CHMP1A: variants seen among roughly 807,000 people sequenced by gnomAD.
CHMP1A encodes charged multivesicular body protein 1A, also known as VPS46 homolog A.
A neutral mutation model predicts 27.0 loss-of-function variants in CHMP1A; 17 were observed. The ratio of observed to expected loss-of-function variants is 0.63; its 90% confidence interval spans 0.43 to 0.95. The LOEUF (loss-of-function observed/expected upper bound fraction) is 0.95. Ranked by LOEUF, CHMP1A falls within the 40% of genes least tolerant of loss-of-function variation. CHMP1A has a pLI of 0.00. For synonymous variants in CHMP1A, 131 were observed against 107.5 expected, an observed-to-expected ratio of 1.22 and a Z score of -1.35; for missense variants, 275 against 264.0, an observed-to-expected ratio of 1.04 and a Z score of -0.29.
rs181086975 is a variant in CHMP1A, at chr16:89,654,179, G to A, written c.8-256C>T. 3.0e-3 allele frequency among the ~76,000 whole-genome samples: 451 copies of A among 152,348 alleles called. 2 individuals carry two copies. Among genetic ancestry groups the A allele is most frequent in the African/African-American group, 0.01 (434 of 41,584 alleles). ...CTCCCTGTTTCCTTGTTGGGAACATGAGGGTGGTACCAGCCAATCTCAAAG... is the reference window on the plus strand; with the variant it reads ...CTCCCTGTTTCCTTGTTGGGAACATAAGGGTGGTACCAGCCAATCTCAAAG... On this transcript the variant is annotated intron_variant, in intron 1 of 6. Transcript: ENST00000397901.
chr16:89,657,695 C>A lies in CHMP1A; in HGVS notation c.-107G>T, dbSNP rs1255030924. ...CCGACCAAGCTGCACCCGGCGGGGA[C>A]TTCCGGGGTCGCCGCCCCACTTCCG... is the stretch of plus-strand genomic sequence containing the variant. On this transcript the variant is annotated 5_prime_UTR_variant, in exon 1 of 7. Transcript: ENST00000397901. 1.3e-6 allele frequency: 2 copies of A among 1,566,356 alleles called. No homozygotes were observed. Among genetic ancestry groups the A allele is most frequent in the Non-Finnish European group, 1.7e-6 (2 of 1,159,008 alleles).
chr16:89,649,846 G>C (rs1250963187), intron 3 of CHMP1A, among the ~76,000 whole-genome samples: 3 of 152,220 alleles, frequency 2.0e-5, no homozygotes, highest in Non-Finnish European at 4.4e-5. Flanking sequence ...AAAGAGCTGG[G>C]ATCACAGGCG....
chr16:89,646,276 T>C (rs773116787), intron 6 of CHMP1A, among the ~76,000 whole-genome samples, 189 bp from the exon 7 acceptor site: 2 of 152,198 alleles, frequency 1.3e-5, no homozygotes, highest in Non-Finnish European at 2.9e-5. Flanking sequence ...TTCTAAAGTG[T>C]ACTGCAGACG....
chr16:89,650,321 G>C (rs1313921142), intron 3 of CHMP1A, among the ~76,000 whole-genome samples: 1 of 152,104 alleles, frequency 6.6e-6, no homozygotes, highest in Non-Finnish European at 1.5e-5. Flanking sequence ...TGGGATTATA[G>C]GTGTGAATCA....
At position 89,657,702 on chromosome 16, in the gene CHMP1A, G is replaced by A. The variant is rs966082048; in HGVS notation, c.-114C>T. The A allele has an allele frequency of 5.1e-5, 79 of 1,557,966 alleles. No homozygotes were observed. The highest frequency in any genetic ancestry group is 6.2e-5 in the Non-Finnish European group (72 of 1,154,446). ...AGCTGCACCCGGCGGGGACTTCCGGGGTCGCCGCCCCACTTCCGGTCGCAC... is the reference window on the plus strand; with the variant it reads ...AGCTGCACCCGGCGGGGACTTCCGGAGTCGCCGCCCCACTTCCGGTCGCAC... On this transcript the variant is annotated 5_prime_UTR_variant, in exon 1 of 7. Transcript: ENST00000397901.
Position 89,647,262 on chromosome 16 carries a change from C to T in CHMP1A, c.322G>A (p.Val108Ile). ...KALSTMDLQK[V>I]SSVMDRFEQQ... ...TCGAACCTGTCCATCACTGAGGAGA[C>T]CTTCTGCAGGTCCATGGTGCTCAGG... The change falls in exon 5 of 7, where the codon GTC (valine) becomes ATC (isoleucine). Residue 108 changes from valine (V) to isoleucine (I), a missense_variant. Coordinates refer to ENST00000397901, the MANE Select transcript of CHMP1A (RefSeq NM_002768.5). The T allele has an allele frequency of 5.0e-6, 8 of 1,611,110 alleles. No homozygotes were observed. The highest frequency in any genetic ancestry group is 6.8e-6 in the Non-Finnish European group (8 of 1,178,924).
At chr16:89,657,432 G>T (rs2059892988) in intron 1 of CHMP1A, 150 bp downstream of exon 1, 1 of 879,580 alleles carries the variant, frequency 1.1e-6, no homozygotes, top group African/African-American at 1.8e-5. Context: ...GGTGGTCGAG[G>T]CCCTGGGGAT....
chr16:89,646,884 G>GGGCCCCCC, intron 5 of CHMP1A, 170 bp from the exon 6 acceptor site: 3 of 709,060 alleles, frequency 4.2e-6, no homozygotes, highest in Non-Finnish European at 7.2e-6. Context: ...AGCCTTTCCT[G>GGGCCCCCC]CCCCCCCACC....
In CHMP1A at chr16:89,657,550, C is replaced by A. The variant is rs1467982184; in HGVS notation, c.7+32G>T. On this transcript the variant is annotated intron_variant, in intron 1 of 6. Transcript: ENST00000397901. ...GGGAGAAGCGGCCCCGCCCCGCGCG[C>A]GAGTCCCCGGAGGACGGCCGCGACC... 2.5e-6 allele frequency: 4 copies of A among 1,609,514 alleles called. No homozygotes were observed. The South Asian group carries it at 3.3e-5, about 13-fold the overall frequency.
intron 1 of CHMP1A, among the ~76,000 whole-genome samples, chr16:89,655,857 C>G (rs2151518183): frequency 6.6e-6 from 1 of 152,306 alleles, no homozygotes; most frequent in South Asian, 2.1e-4. Flanking sequence ...AACTCCTGAC[C>G]TCAGGTGATC....
At position 89,657,340 on chromosome 16, in the gene CHMP1A, C is replaced by T. The variant is rs2059890946; in HGVS notation, c.7+242G>A. 8.9e-5 allele frequency among the ~76,000 whole-genome samples: 13 copies of T among 145,450 alleles called. 2 individuals carry two copies. In the South Asian group the frequency reaches 2.7e-3, roughly 30 times the overall value. On this transcript the variant is annotated intron_variant, in intron 1 of 6. Transcript: ENST00000397901. ...GGGGACGAGGCTCGGGAAAAGGGGTCCCAGGTCGGTGGTCGAGGCCCTGGG... is the reference window on the plus strand; with the variant it reads ...GGGGACGAGGCTCGGGAAAAGGGGTTCCAGGTCGGTGGTCGAGGCCCTGGG...
At chr16:89,655,361 C>T (rs1000284429) in intron 1 of CHMP1A, among the ~76,000 whole-genome samples, 2 of 150,922 alleles carry the variant, frequency 1.3e-5, no homozygotes, top group Non-Finnish European at 1.5e-5. Context: ...CCGCCCTCCT[C>T]ATCTCAGCTT....
intron 1 of CHMP1A, 144 bp from the exon 2 acceptor site, chr16:89,654,067 C>T (rs371721171): frequency 1.3e-5 from 11 of 867,154 alleles, no homozygotes; most frequent in Admixed American, 1.9e-5. Flanking sequence ...TTCGGGGAGC[C>T]CCCCCCAACA....
chr16:89,651,746 C>G (rs541926701), intron 2 of CHMP1A, 100 bp from the exon 3 acceptor site: 1 of 1,198,414 alleles, frequency 8.3e-7, no homozygotes, highest in East Asian at 2.6e-5. Context: ...TGTGCCCACA[C>G]AGGTTCCTAA....
At chr16:89,651,312 A>AC (rs1458636569) in intron 3 of CHMP1A, among the ~76,000 whole-genome samples, 1 of 143,362 alleles carries the variant, frequency 7.0e-6, no homozygotes, top group Non-Finnish European at 1.6e-5. Flanking sequence ...CGGAGGTTGC[A>AC]GTGAGACGAG....
chr16:89,657,427 T>A (rs1227640611), intron 1 of CHMP1A, among the ~76,000 whole-genome samples, 155 bp downstream of exon 1: 1 of 150,206 alleles, frequency 6.7e-6, no homozygotes, highest in African/African-American at 2.5e-5. Context: ...AGGTCGGTGG[T>A]CGAGGCCCTG....
chr16:89,657,077 G>T (rs1351524428), intron 1 of CHMP1A, among the ~76,000 whole-genome samples: 2 of 141,362 alleles, frequency 1.4e-5, no homozygotes, highest in African/African-American at 5.2e-5. Flanking sequence ...GGCCTGGGGG[G>T]AGGGGTCCCG....
At chr16:89,653,858 G>A in intron 2 of CHMP1A, 46 bp downstream of exon 2, 1 of 1,597,728 alleles carries the variant, frequency 6.3e-7, no homozygotes, top group Non-Finnish European at 8.6e-7. Context: ...TATACTATCT[G>A]TCCTCACCAG....
chr16:89,655,684 G>A (rs1443070727), intron 1 of CHMP1A, among the ~76,000 whole-genome samples: 6 of 151,792 alleles, frequency 4.0e-5, no homozygotes, highest in African/African-American at 1.2e-4. Flanking sequence ...AGAGTGCAAC[G>A]GCACCATCTT....
Sources: allele counts gnomAD v4.1 joint callset (sites outside exome capture counted in the v4.1 genomes callset), GRCh38; gene constraint gnomAD v4.1.1; transcripts MANE v1.5; gene names NCBI Gene and HGNC (gene_info 2026-07-23, HGNC 2026-07-21).